The following GRIP1 variants were observed in gnomAD, a reference collection of about 807,000 sequenced individuals.
The protein encoded by GRIP1 is glutamate receptor-interacting protein 1.
A neutral mutation model predicts 129.9 loss-of-function variants in GRIP1; 45 were observed. The observed-to-expected ratio is 0.35, with a 90% CI of 0.27 to 0.44. The LOEUF (loss-of-function observed/expected upper bound fraction) is 0.44, where lower values mean the gene tolerates loss of function less well. Among genes scored for constraint, GRIP1 ranks in the 20% least tolerant of loss-of-function variants. The pLI is 1.00. For missense variants in GRIP1, 1,196 were observed against 1,396.8 expected, an observed-to-expected ratio of 0.86 and a Z score of 2.29; for synonymous variants, 530 against 520.8, an observed-to-expected ratio of 1.02 and a Z score of -0.24.
At chr12:66,708,036 A>G (rs2136385611) in intron 1 of GRIP1, among the ~76,000 whole-genome samples, 1 of 152,162 alleles carries the variant, frequency 6.6e-6, no homozygotes, top group East Asian at 1.9e-4. Flanking sequence ...TTTCCATAAT[A>G]GTGTCTATTC....
In GRIP1 at chr12:66,633,264, A is replaced by G. The variant is rs969138531; in HGVS notation, c.56-36337T>C. On this transcript the variant is annotated intron_variant, in intron 1 of 24. Transcript: ENST00000359742. Reference sequence around the variant, plus strand: ...TATATGTATTATATATAATATATATAAAAATATATTATATATATATTATAC... The same window carrying G: ...TATATGTATTATATATAATATATATGAAAATATATTATATATATATTATAC... Among the ~76,000 whole-genome samples the G allele has an allele frequency of 1.1e-3, 162 of 146,220 alleles. 1 individual carries two copies. In the Middle Eastern group the frequency reaches 0.014, roughly 13 times the overall value.
chr12:67,054,069 A>G (rs1325896817), intron 1 of GRIP1, among the ~76,000 whole-genome samples: 2 of 152,198 alleles, frequency 1.3e-5, no homozygotes, highest in Non-Finnish European at 2.9e-5. Context: ...TTAGGTCCCC[A>G]ATTCTTCTTC....
intron 1 of GRIP1, among the ~76,000 whole-genome samples, chr12:66,623,732 T>G (rs2065371681): frequency 1.3e-5 from 2 of 152,164 alleles, no homozygotes; most frequent in Non-Finnish European, 2.9e-5. Flanking sequence ...GCATTTCAAG[T>G]GCAAGTGGAC....
At chr12:66,660,831 A>C (rs2033453717) in intron 1 of GRIP1, among the ~76,000 whole-genome samples, 1 of 152,146 alleles carries the variant, frequency 6.6e-6, no homozygotes, top group African/African-American at 2.4e-5. Flanking sequence ...TATGCCCATT[A>C]GAGTAGTGGC....
intron 1 of GRIP1, among the ~76,000 whole-genome samples, chr12:66,723,239 TCTTCCTTCCTTCCTTCCTTCCTTC>T (rs1187415539): frequency 4.2e-5 from 1 of 23,600 alleles, no homozygotes; most frequent in Non-Finnish European, 6.8e-5. Flanking sequence ...TCTCTCTCTC[TCTTCCTTCCTTCCTTCCTTCCTTC>T]CTTCCTTCCT....
intron 1 of GRIP1, among the ~76,000 whole-genome samples, chr12:66,601,788 T>C (rs1034335158): frequency 1.3e-5 from 2 of 152,194 alleles, no homozygotes; most frequent in Admixed American, 1.3e-4. Flanking sequence ...CTGGTTTCCA[T>C]TAATGAACAA....
At chr12:66,530,729 G>C (rs1429206919) in intron 4 of GRIP1, among the ~76,000 whole-genome samples, 1 of 73,114 alleles carries the variant, frequency 1.4e-5, no homozygotes, top group African/African-American at 1.2e-4. Flanking sequence ...CACCATTTCT[G>C]CATAAAAAAA....
chr12:66,930,511 G>C (rs12820755), intron 1 of GRIP1, among the ~76,000 whole-genome samples: 30,540 of 150,200 alleles, frequency 0.2, 3,276 homozygotes, highest in South Asian at 0.25. Flanking sequence ...TATCATTGTT[G>C]GACATTTGGG....
At chr12:66,359,455 A>G (rs1339281880) in intron 23 of GRIP1, among the ~76,000 whole-genome samples, 1 of 152,096 alleles carries the variant, frequency 6.6e-6, no homozygotes, top group Non-Finnish European at 1.5e-5. Flanking sequence ...TAACAACACC[A>G]CCCAATGGTA....
intron 23 of GRIP1, among the ~76,000 whole-genome samples, chr12:66,364,820 T>C (rs1031036555): frequency 4.6e-5 from 7 of 152,124 alleles, no homozygotes; most frequent in African/African-American, 1.7e-4. Context: ...TTCCGTCTTT[T>C]ATCCACCCTC....
chr12:66,813,172 A>C (rs1412049665), intron 1 of GRIP1, among the ~76,000 whole-genome samples: 3 of 152,212 alleles, frequency 2.0e-5, no homozygotes, highest in African/African-American at 7.2e-5. Flanking sequence ...TGAAGGCCTC[A>C]GGGAGCTTAT....
At chr12:66,815,191 A>AAAGG (rs2039184253) in intron 1 of GRIP1, among the ~76,000 whole-genome samples, 1 of 152,212 alleles carries the variant, frequency 6.6e-6, no homozygotes, top group Admixed American at 6.5e-5. Flanking sequence ...TATTACCAAC[A>AAAGG]AAGGACAAGT....
At chr12:66,524,069 C>G (rs986916383) in intron 5 of GRIP1, among the ~76,000 whole-genome samples, 1 of 152,168 alleles carries the variant, frequency 6.6e-6, no homozygotes, top group African/African-American at 2.4e-5. Context: ...GACTCCCACA[C>G]AATAATAATG....
At chr12:66,447,009 T>A (rs904554064) in intron 11 of GRIP1, among the ~76,000 whole-genome samples, 1 of 152,200 alleles carries the variant, frequency 6.6e-6, no homozygotes, top group African/African-American at 2.4e-5. Flanking sequence ...AGCAACAGAT[T>A]TTTCCCCCTT....
At chr12:66,465,685 G>A (rs2059266579) in intron 7 of GRIP1, among the ~76,000 whole-genome samples, 1 of 152,130 alleles carries the variant, frequency 6.6e-6, no homozygotes, top group Non-Finnish European at 1.5e-5. Context: ...ATGTCACTTG[G>A]GATAATATCT....
intron 1 of GRIP1, among the ~76,000 whole-genome samples, chr12:66,974,773 G>C (rs1021938447): frequency 1.2e-4 from 19 of 152,206 alleles, no homozygotes; most frequent in African/African-American, 4.6e-4. Flanking sequence ...GTCATAGACA[G>C]AGGCACATAT....
chr12:66,498,699 CA>C (rs34305186), intron 7 of GRIP1, among the ~76,000 whole-genome samples: 14,187 of 147,962 alleles, frequency 0.096, 751 homozygotes, highest in East Asian at 0.24. Flanking sequence ...GTCATACAGG[CA>C]AAAAAAAAAT....
At chr12:66,371,973 G>T (rs369101563) in intron 22 of GRIP1, 46 bp from the exon 23 acceptor site, 9 of 1,264,538 alleles carry the variant, frequency 7.1e-6, no homozygotes, top group Non-Finnish European at 1.0e-5. Flanking sequence ...ATGGACTAAG[G>T]AAAGGATTTG....
chr12:66,371,600 G>A (rs954894741), intron 23 of GRIP1, 94 bp downstream of exon 23: 5 of 826,004 alleles, frequency 6.1e-6, no homozygotes, highest in Non-Finnish European at 1.1e-5. Flanking sequence ...GAGCCCATAG[G>A]AGGATACCAT....
Sources: allele counts gnomAD v4.1 joint callset (sites outside exome capture counted in the v4.1 genomes callset), GRCh38; gene constraint gnomAD v4.1.1; transcripts MANE v1.5; gene names NCBI Gene and HGNC (gene_info 2026-07-23, HGNC 2026-07-21).